The following MCPH1 variants were observed in gnomAD, a reference collection of about 807,000 sequenced individuals.
MCPH1 encodes the protein microcephalin 1.
Under a neutral mutation model 84.5 loss-of-function variants are expected in MCPH1, and 104 were observed. That is an observed-to-expected ratio of 1.23 (90% CI 1.05 to 1.45). The LOEUF is 1.45. Among genes scored for constraint, MCPH1 ranks in the 40% most tolerant of loss-of-function variants. MCPH1 has a pLI of 0.00. For missense variants in MCPH1, 1,498 were observed against 1,005.7 expected, an observed-to-expected ratio of 1.49 and a Z score of -6.62; for synonymous variants, 514 against 366.8, an observed-to-expected ratio of 1.40 and a Z score of -4.58.
intron 9 of MCPH1, among the ~76,000 whole-genome samples, chr8:6,464,638 A>T (rs1806649919): frequency 2.0e-5 from 3 of 152,166 alleles, no homozygotes; most frequent in Non-Finnish European, 4.4e-5. Flanking sequence ...CCACCGACGG[A>T]GGACATTTCC....
rs201337637 is a variant in MCPH1, at chr8:6,532,360, G to A, written c.2214+32431G>A. The A allele has an allele frequency of 2.5e-5, 40 of 1,613,958 alleles. No individual in the cohort carries two copies. The East Asian group carries it at 7.4e-4, about 30-fold the overall frequency. The stretch of plus-strand genomic sequence containing the variant: ...GGCTTCCACATCAGTTAACTTCCGC[G>A]TTTGCTCCGCTGTTTGGTTCAACAG... On this transcript the variant is annotated intron_variant, in intron 12 of 13. Transcript: ENST00000344683.
At chr8:6,426,148 C>A (rs1801028114) in intron 3 of MCPH1, among the ~76,000 whole-genome samples, 1 of 152,118 alleles carries the variant, frequency 6.6e-6, no homozygotes, top group African/African-American at 2.4e-5. Flanking sequence ...TTCTGCTCAC[C>A]CCATTATTGC....
intron 7 of MCPH1, among the ~76,000 whole-genome samples, chr8:6,442,566 GATAA>G (rs1052644998): frequency 4.5e-4 from 69 of 152,302 alleles, no homozygotes; most frequent in African/African-American, 1.7e-3. Context: ...CAATTGAGGA[GATAA>G]ATAGAGGATT....
chr8:6,411,449 G>C (rs1023484344), intron 2 of MCPH1, among the ~76,000 whole-genome samples: 11 of 152,220 alleles, frequency 7.2e-5, no homozygotes, highest in African/African-American at 2.7e-4. Context: ...GTGCAAGAGT[G>C]ATGATGCTGG....
At chr8:6,632,191 G>C (rs1797212676) in intron 13 of MCPH1, among the ~76,000 whole-genome samples, 1 of 152,212 alleles carries the variant, frequency 6.6e-6, no homozygotes, top group Non-Finnish European at 1.5e-5. Flanking sequence ...CAGGAAGGGA[G>C]TGGAGAATTA....
rs547287923 is a variant in MCPH1, at chr8:6,601,158, G to T, written c.2215-20296G>T. 3.9e-5 allele frequency among the ~76,000 whole-genome samples: 6 copies of T among 152,252 alleles called. No individual in the cohort carries two copies. In the East Asian group the frequency reaches 1.2e-3, roughly 29 times the overall value. ...GGAGACAGAGTCCATAGACCTCCCA[G>T]CTGTGCCCACCTGGGCAGCTGCACT... On this transcript the variant is annotated intron_variant, in intron 12 of 13. Transcript: ENST00000344683.
rs748563799 is a variant in MCPH1 at position 6,406,657 on chromosome 8, C to A, written c.-11C>A. 6.2e-7 allele frequency: 1 copy of A among 1,611,946 alleles called. No individual in the cohort carries two copies. The highest frequency in any genetic ancestry group is 8.5e-7 in the Non-Finnish European group (1 of 1,179,446). On this transcript the variant is annotated 5_prime_UTR_variant, in exon 1 of 14. Coordinates refer to ENST00000344683, the MANE Select transcript of MCPH1 (RefSeq NM_024596.5). The stretch of plus-strand genomic sequence containing the variant: ...CCGCGTAGGCCAGCTGGCCGGATCC[C>A]GCCGTCTGTCATGGCGGCCCCCATC...
At chr8:6,515,254 G>C (rs1436524936) in intron 12 of MCPH1, among the ~76,000 whole-genome samples, 5 of 152,102 alleles carry the variant, frequency 3.3e-5, no homozygotes, top group Admixed American at 2.0e-4. Flanking sequence ...GATACTCTTT[G>C]ATCATAGGGT....
chr8:6,453,598 A>G (rs1330682024), intron 8 of MCPH1, among the ~76,000 whole-genome samples: 2 of 152,232 alleles, frequency 1.3e-5, no homozygotes, highest in African/African-American at 4.8e-5. Flanking sequence ...TACGTCCCAA[A>G]TTATATCTCT....
At chr8:6,411,373 A>C (rs1276928047) in intron 2 of MCPH1, among the ~76,000 whole-genome samples, 2 of 152,244 alleles carry the variant, frequency 1.3e-5, no homozygotes. Flanking sequence ...AATAAATAAC[A>C]AAAAGCAAGT....
intron 12 of MCPH1, among the ~76,000 whole-genome samples, chr8:6,523,327 TG>T (rs1563341256): frequency 6.6e-6 from 1 of 152,108 alleles, no homozygotes; most frequent in East Asian, 1.9e-4. Context: ...TTTAGAGAGC[TG>T]GTAAAATTAT....
At chr8:6,413,268 C>G (rs1424410712) in intron 2 of MCPH1, among the ~76,000 whole-genome samples, 1 of 7,592 alleles carries the variant, frequency 1.3e-4, no homozygotes, top group African/African-American at 1.4e-4. Flanking sequence ...TCAGTTGTCA[C>G]TTATTGTTTG....
chr8:6,591,510 C>T (rs1254383911), intron 12 of MCPH1, among the ~76,000 whole-genome samples: 1 of 152,228 alleles, frequency 6.6e-6, no homozygotes, highest in Non-Finnish European at 1.5e-5. Flanking sequence ...GCATCTTTCT[C>T]TCCTGTCCTC....
At chr8:6,562,747 T>C (rs201521195) in intron 12 of MCPH1, 6 of 1,613,864 alleles carry the variant, frequency 3.7e-6, no homozygotes, top group East Asian at 2.2e-5. Flanking sequence ...CTGCACAGCA[T>C]TGGACACGTA....
intron 7 of MCPH1, among the ~76,000 whole-genome samples, chr8:6,443,378 C>T (rs2442510): frequency 0.69 from 105,014 of 152,216 alleles, 39,797 homozygotes; most frequent in Non-Finnish European, 0.83. Flanking sequence ...TTATTTCCAA[C>T]TACTGCCTTG....
Position 6,408,724 on chromosome 8 carries a change from A to G in MCPH1, c.23-555A>G, listed in dbSNP as rs1387560963. On this transcript the variant is annotated intron_variant, in intron 1 of 13. Coordinates refer to ENST00000344683, the MANE Select transcript of MCPH1 (RefSeq NM_024596.5). Reference sequence around the variant, plus strand: ...CAGCCACTCGCCACCATTCCTGGCTAATTAAAAACAAAATTTTTTTTAGAG... The same window carrying G: ...CAGCCACTCGCCACCATTCCTGGCTGATTAAAAACAAAATTTTTTTTAGAG... Among the ~76,000 whole-genome samples the G allele has an allele frequency of 2.6e-5, 4 of 151,062 alleles. No homozygotes were observed. The South Asian group carries it at 8.4e-4, about 32-fold the overall frequency.
chr8:6,600,124 A>C (rs1829244863), intron 12 of MCPH1, among the ~76,000 whole-genome samples: 1 of 152,266 alleles, frequency 6.6e-6, no homozygotes, highest in Non-Finnish European at 1.5e-5. Context: ...GGAGACACAG[A>C]AATCTTCAGG....
At chr8:6,545,923 G>A (rs1360664000) in intron 12 of MCPH1, among the ~76,000 whole-genome samples, 1 of 152,158 alleles carries the variant, frequency 6.6e-6, no homozygotes, top group Non-Finnish European at 1.5e-5. Context: ...ATAAAAAACT[G>A]AATAAAATAA....
At chr8:6,636,613 G>A (rs886697397) in intron 13 of MCPH1, among the ~76,000 whole-genome samples, 1 of 152,136 alleles carries the variant, frequency 6.6e-6, no homozygotes, top group Non-Finnish European at 1.5e-5. Flanking sequence ...CGTTGTAGCT[G>A]GGACTACAGT....
Sources: gnomAD v4.1 joint callset for allele counts (sites outside exome capture counted in the v4.1 genomes callset) on GRCh38, gnomAD v4.1.1 for gene constraint, MANE v1.5 for transcripts, NCBI Gene and HGNC (gene_info 2026-07-23, HGNC 2026-07-21) for gene names.